The following RIMS2 variants were observed in gnomAD, a reference collection of about 807,000 sequenced individuals.
RIMS2 encodes the protein regulating synaptic membrane exocytosis protein 2.
RIMS2 carries 59 observed loss-of-function variants against 174.4 expected under a neutral mutation model. The observed-to-expected ratio is 0.34, with a 90% confidence interval of 0.27 to 0.42. The LOEUF (loss-of-function observed/expected upper bound fraction) is 0.42. Among genes scored for constraint, RIMS2 ranks in the 10% least tolerant of loss-of-function variants. RIMS2 has a pLI of 1.00. For missense variants in RIMS2, 1,620 were observed against 1,666.3 expected (o/e 0.97, Z 0.48); for synonymous variants, 606 against 572.5 (o/e 1.06, Z -0.84).
chr8:104,097,387 C>T (rs2097780865), intron 19 of RIMS2, among the ~76,000 whole-genome samples: 1 of 152,152 alleles, frequency 6.6e-6, no homozygotes, highest in Non-Finnish European at 1.5e-5. Flanking sequence ...ACATCTGTCT[C>T]AGTCACTCAT....
At chr8:103,743,317 A>G (rs1218952232) in intron 2 of RIMS2, among the ~76,000 whole-genome samples, 4 of 152,180 alleles carry the variant, frequency 2.6e-5, no homozygotes, top group African/African-American at 7.2e-5. Flanking sequence ...TTAGAGATCT[A>G]TTGGGAAACT....
chr8:104,124,500 G>A (rs2098412758), intron 19 of RIMS2, among the ~76,000 whole-genome samples: 1 of 152,004 alleles, frequency 6.6e-6, no homozygotes, highest in Admixed American at 6.6e-5. Flanking sequence ...TTTGTCACTT[G>A]CAATAGAATC....
intron 1 of RIMS2, among the ~76,000 whole-genome samples, chr8:103,532,981 A>G (rs530476380): frequency 6.6e-6 from 1 of 152,358 alleles, no homozygotes; most frequent in African/African-American, 2.4e-5. Context: ...TGCTGTAGTT[A>G]TACTAAAGGA....
At chr8:103,545,376 G>A (rs1451884477) in intron 1 of RIMS2, among the ~76,000 whole-genome samples, 1 of 152,166 alleles carries the variant, frequency 6.6e-6, no homozygotes, top group Non-Finnish European at 1.5e-5. Flanking sequence ...ATGGGATTAT[G>A]TATAGAGACC....
At chr8:103,708,819 T>C (rs533153365) in intron 2 of RIMS2, among the ~76,000 whole-genome samples, 1 of 152,322 alleles carries the variant, frequency 6.6e-6, no homozygotes, top group African/African-American at 2.4e-5. Flanking sequence ...TTGAGGTTTG[T>C]TGAGGGCCTG....
intron 19 of RIMS2, among the ~76,000 whole-genome samples, chr8:104,155,960 A>G (rs2098721331): frequency 6.6e-6 from 1 of 152,166 alleles, no homozygotes; most frequent in South Asian, 2.1e-4. Context: ...ATTAACAAGA[A>G]ACCTTACCCT....
chr8:103,834,338 T>C (rs1288045362), intron 3 of RIMS2, among the ~76,000 whole-genome samples: 3 of 148,670 alleles, frequency 2.0e-5, no homozygotes, highest in South Asian at 2.1e-4. Flanking sequence ...TTTTCTTTTT[T>C]TTTTTTTTTT....
At chr8:103,523,885 T>C (rs1352293541) in intron 1 of RIMS2, among the ~76,000 whole-genome samples, 2 of 152,162 alleles carry the variant, frequency 1.3e-5, no homozygotes, top group African/African-American at 4.8e-5. Context: ...ACATTTGAAA[T>C]GATACATTAA....
intron 19 of RIMS2, among the ~76,000 whole-genome samples, chr8:104,080,524 A>G (rs2097396557): frequency 6.6e-6 from 1 of 152,048 alleles, no homozygotes; most frequent in South Asian, 2.1e-4. Flanking sequence ...CTTAGAGAAT[A>G]AATTTATATG....
At chr8:104,087,257 C>A (rs528984662) in intron 19 of RIMS2, among the ~76,000 whole-genome samples, 1 of 152,042 alleles carries the variant, frequency 6.6e-6, no homozygotes, top group African/African-American at 2.4e-5. Flanking sequence ...AAATGCCAGG[C>A]CCAGATATAG....
At chr8:103,890,673 T>C (rs2099238620) in intron 4 of RIMS2, among the ~76,000 whole-genome samples, 1 of 152,164 alleles carries the variant, frequency 6.6e-6, no homozygotes, top group South Asian at 2.1e-4. Flanking sequence ...TGATTTTTTT[T>C]CTTTTTCGTT....
chr8:104,011,168 G>T (rs2095750706), intron 17 of RIMS2, among the ~76,000 whole-genome samples: 1 of 152,082 alleles, frequency 6.6e-6, no homozygotes, highest in Non-Finnish European at 1.5e-5. Flanking sequence ...AAGCTAGTCA[G>T]ACCTATTTTT....
intron 3 of RIMS2, among the ~76,000 whole-genome samples, chr8:103,801,443 A>G (rs991195150): frequency 6.6e-6 from 1 of 152,216 alleles, no homozygotes; most frequent in East Asian, 1.9e-4. Context: ...ATAATCATTT[A>G]AAAGTATTCT....
At chr8:103,852,749 A>G (rs1237789203) in intron 3 of RIMS2, among the ~76,000 whole-genome samples, 4 of 151,862 alleles carry the variant, frequency 2.6e-5, no homozygotes, top group Non-Finnish European at 5.9e-5. Context: ...CTTCTTTTTT[A>G]TGGCTATGTA....
chr8:104,015,305 T>C lies in RIMS2; in HGVS notation c.3334+690T>C, dbSNP rs1324227898. 2.6e-5 allele frequency: 13 copies of C among 507,692 alleles called. No homozygotes were observed. The East Asian group carries it at 3.5e-4, about 14-fold the overall frequency. 31.4% of individuals were successfully genotyped at this position (507,692 alleles called of 1,614,324 possible). On this transcript the variant is annotated intron_variant, in intron 19 of 23. Coordinates refer to ENST00000504942, the Ensembl canonical transcript of RIMS2. The stretch of plus-strand genomic sequence containing the variant: ...AAGTTTAAATCATTTAACTTTTCTC[T>C]AGTAGATAATACATTCTGTGCTTTT...
rs551156624 is a variant in RIMS2, at chr8:103,852,414, C to CTT, written c.699-32872_699-32871dup. 4.2e-3 allele frequency among the ~76,000 whole-genome samples: 601 copies of CTT among 141,858 alleles called. 2 individuals carry two copies. Among genetic ancestry groups the CTT allele is most frequent in the Non-Finnish European group, 6.4e-3 (411 of 64,598 alleles). The allele number at this position is 141,858 out of a possible 152,430, so 93.1% of individuals were successfully genotyped here. On this transcript the variant is annotated intron_variant, in intron 3 of 23. Transcript: ENST00000504942. Reference sequence around the variant, plus strand: ...AAATTTTGTAGTTACAAAGCATTTTCTTTTTTTTTTTTTACTTTTTTTAAG... The same window carrying CTT: ...AAATTTTGTAGTTACAAAGCATTTTCTTTTTTTTTTTTTTTACTTTTTTTAAG...
intron 14 of RIMS2, among the ~76,000 whole-genome samples, chr8:103,952,197 C>G (rs963585691): frequency 1.1e-4 from 16 of 152,206 alleles, no homozygotes; most frequent in African/African-American, 3.9e-4. Flanking sequence ...CTTAAACGTT[C>G]CTGCCTGGCA....
chr8:104,148,768 G>C, intron 19 of RIMS2: 1 of 1,598,376 alleles, frequency 6.3e-7, no homozygotes, highest in Non-Finnish European at 8.5e-7. Flanking sequence ...AAAAAGCGGC[G>C]CTCTAGCCTT....
At chr8:103,840,536 C>A (rs2098933256) in intron 3 of RIMS2, among the ~76,000 whole-genome samples, 1 of 152,030 alleles carries the variant, frequency 6.6e-6, no homozygotes, top group Admixed American at 6.6e-5. Flanking sequence ...TTGTTTCCCT[C>A]TTTTGCCACT....
Sources: allele counts gnomAD v4.1 joint callset (sites outside exome capture counted in the v4.1 genomes callset), GRCh38; gene constraint gnomAD v4.1.1; transcripts MANE v1.5; gene names NCBI Gene and HGNC (gene_info 2026-07-23, HGNC 2026-07-21).